The following RSU1 variants were observed in gnomAD, a reference collection of about 807,000 sequenced individuals.
RSU1 encodes rsu-1.
RSU1 carries 26 observed loss-of-function variants against 31.1 expected under a neutral mutation model. That is an observed-to-expected ratio of 0.84 (90% CI 0.61 to 1.16). The LOEUF is 1.16. Ranked by LOEUF, RSU1 falls within the 50% of genes most tolerant of loss-of-function variation. The pLI is 0.00. For synonymous variants in RSU1, 164 were observed against 136.3 expected (o/e 1.20, Z -1.41); for missense variants, 320 against 339.1 (o/e 0.94, Z 0.44).
chr10:16,725,198 GAAGA>G (rs1321379465), intron 7 of RSU1, among the ~76,000 whole-genome samples: 1 of 152,192 alleles, frequency 6.6e-6, no homozygotes, highest in Non-Finnish European at 1.5e-5. Flanking sequence ...AGAGATGGGA[GAAGA>G]GAGAGAGAAT....
chr10:16,678,058 A>G (rs1835265836), intron 8 of RSU1, among the ~76,000 whole-genome samples: 1 of 152,198 alleles, frequency 6.6e-6, no homozygotes, highest in Non-Finnish European at 1.5e-5. Context: ...TTAAGACACA[A>G]TCAATTCTTT....
chr10:16,716,366 G>T (rs891744652), intron 7 of RSU1, among the ~76,000 whole-genome samples: 3 of 152,060 alleles, frequency 2.0e-5, no homozygotes, highest in Admixed American at 2.0e-4. Context: ...GAGTAGAAAC[G>T]TCTACACTAT....
chr10:16,669,392 A>C (rs1428991443), intron 8 of RSU1, among the ~76,000 whole-genome samples: 2 of 150,240 alleles, frequency 1.3e-5, no homozygotes, highest in Non-Finnish European at 1.5e-5. Context: ...AAAGCACCAT[A>C]CTGCTTTTTA....
At chr10:16,792,166 G>T (rs1837932177) in intron 2 of RSU1, among the ~76,000 whole-genome samples, 1 of 152,170 alleles carries the variant, frequency 6.6e-6, no homozygotes. Context: ...GCAATCACCA[G>T]TTCAGCTCAC....
intron 8 of RSU1, among the ~76,000 whole-genome samples, chr10:16,644,812 T>C (rs1834506395): frequency 6.6e-6 from 1 of 152,198 alleles, no homozygotes; most frequent in South Asian, 2.1e-4. Context: ...AAAATGTGTA[T>C]TGTGACAGGT....
intron 8 of RSU1, among the ~76,000 whole-genome samples, chr10:16,654,361 C>CATAAAAAA (rs1834735312): frequency 1.1e-5 from 1 of 92,286 alleles, no homozygotes; most frequent in African/African-American, 3.8e-5. Flanking sequence ...CCTAAATTTG[C>CATAAAAAA]AAAAAAAAAA....
chr10:16,785,021 G>C (rs1007150102), intron 2 of RSU1, among the ~76,000 whole-genome samples: 1 of 152,154 alleles, frequency 6.6e-6, no homozygotes, highest in Non-Finnish European at 1.5e-5. Flanking sequence ...TTAATACTGA[G>C]TGTCAACTTG....
intron 2 of RSU1, among the ~76,000 whole-genome samples, chr10:16,803,961 G>A (rs1271703731): frequency 3.3e-5 from 5 of 152,106 alleles, no homozygotes; most frequent in South Asian, 2.1e-4. Flanking sequence ...CACAACTTAC[G>A]AAGGAAAAAC....
At chr10:16,717,040 G>T (rs1269484322) in intron 7 of RSU1, among the ~76,000 whole-genome samples, 2 of 152,154 alleles carry the variant, frequency 1.3e-5, no homozygotes, top group African/African-American at 4.8e-5. Context: ...TGCTCATAGG[G>T]AAGTATGAAA....
chr10:16,691,374 G>A (rs1588717566), intron 8 of RSU1, among the ~76,000 whole-genome samples: 1 of 129,510 alleles, frequency 7.7e-6, no homozygotes, highest in African/African-American at 2.9e-5. Flanking sequence ...CGGCATTTTT[G>A]TGCAGTTTTT....
intron 8 of RSU1, among the ~76,000 whole-genome samples, chr10:16,649,703 C>G (rs1834643886): frequency 6.6e-6 from 1 of 152,080 alleles, no homozygotes; most frequent in Non-Finnish European, 1.5e-5. Context: ...TAAAAATTCT[C>G]CGTACAAAAA....
chr10:16,701,737 T>G (rs547120788), intron 7 of RSU1, among the ~76,000 whole-genome samples: 1 of 152,192 alleles, frequency 6.6e-6, no homozygotes, highest in Non-Finnish European at 1.5e-5. Context: ...GAAGTCCTTA[T>G]GCCAATGAAG....
At chr10:16,693,930 C>T (rs983397659) in intron 8 of RSU1, among the ~76,000 whole-genome samples, 2 of 151,936 alleles carry the variant, frequency 1.3e-5, no homozygotes, top group African/African-American at 2.4e-5. Context: ...AAACAGATTA[C>T]ATTTGAGTAG....
chr10:16,717,845 C>A (rs757684986), intron 7 of RSU1, among the ~76,000 whole-genome samples: 2 of 151,940 alleles, frequency 1.3e-5, no homozygotes, highest in South Asian at 2.1e-4. Flanking sequence ...ACAAAAAAAA[C>A]GCATTACTAT....
chr10:16,817,237 G>A (rs1838561378), intron 1 of RSU1, 78 bp downstream of exon 1: 2 of 406,600 alleles, frequency 4.9e-6, no homozygotes, highest in African/African-American at 8.3e-5. Context: ...GCGGGGAGGG[G>A]ATGGAGTGGG....
chr10:16,733,550 A>T (rs1182256904), intron 7 of RSU1, among the ~76,000 whole-genome samples: 1 of 152,052 alleles, frequency 6.6e-6, no homozygotes, highest in Non-Finnish European at 1.5e-5. Context: ...AATGTTATTC[A>T]AAGTGGTGTT....
chr10:16,754,486 A>G (rs10904799), intron 5 of RSU1, among the ~76,000 whole-genome samples: 6,651 of 152,038 alleles, frequency 0.044, 182 homozygotes, highest in East Asian at 0.084. Flanking sequence ...TTAATAAATA[A>G]TTGGTTGGAA....
At chr10:16,786,938 G>A (rs1837803918) in intron 2 of RSU1, among the ~76,000 whole-genome samples, 1 of 152,076 alleles carries the variant, frequency 6.6e-6, no homozygotes, top group African/African-American at 2.4e-5. Context: ...AGTTAAAAAC[G>A]CCCCTGGTGG....
At chr10:16,710,889 T>C (rs960697788) in intron 7 of RSU1, among the ~76,000 whole-genome samples, 5 of 152,156 alleles carry the variant, frequency 3.3e-5, no homozygotes, top group African/African-American at 1.2e-4. Flanking sequence ...ATTGTTCAAC[T>C]CCCACTTATC....
Sources: gnomAD v4.1 joint callset for allele counts (sites outside exome capture counted in the v4.1 genomes callset) on GRCh38, gnomAD v4.1.1 for gene constraint, MANE v1.5 for transcripts, NCBI Gene and HGNC (gene_info 2026-07-23, HGNC 2026-07-21) for gene names.